Variants in CFAP54 observed in about 807,000 individuals in gnomAD.
The protein encoded by CFAP54 is cilia- and flagella-associated protein 54.
A neutral mutation model predicts 370.4 loss-of-function variants in CFAP54; 290 were observed. That is an observed-to-expected ratio of 0.78 (90% CI 0.71 to 0.86). CFAP54 has a LOEUF of 0.86. CFAP54 is among the 40% of genes least tolerant of loss of function. CFAP54 has a pLI of 0.00. For synonymous variants in CFAP54, 1,206 were observed against 1,236.5 expected (o/e 0.98, Z 0.52); for missense variants, 3,399 against 3,528.7 (o/e 0.96, Z 0.93).
chr12:96,756,199 G>A (rs748188112), intron 56 of CFAP54, among the ~76,000 whole-genome samples: 1 of 152,162 alleles, frequency 6.6e-6, no homozygotes, highest in Non-Finnish European at 1.5e-5. Flanking sequence ...AGTTAGATGG[G>A]AAGATGGGAA....
intron 26 of CFAP54, among the ~76,000 whole-genome samples, chr12:96,621,253 C>T (rs1363697477): frequency 6.6e-6 from 1 of 152,124 alleles, no homozygotes; most frequent in African/African-American, 2.4e-5. Context: ...TTACAAATGA[C>T]TTTTTAAATA....
chr12:96,611,995 C>A (rs150313240), intron 26 of CFAP54, among the ~76,000 whole-genome samples: 2 of 152,228 alleles, frequency 1.3e-5, no homozygotes, highest in Non-Finnish European at 2.9e-5. Context: ...GGAGAACTTC[C>A]CCAACCTAGC....
intron 67 of CFAP54, among the ~76,000 whole-genome samples, chr12:96,865,930 T>A (rs777195904): frequency 1.3e-5 from 2 of 152,164 alleles, no homozygotes; most frequent in Non-Finnish European, 2.9e-5. Flanking sequence ...AATTTCAATA[T>A]AAGATAGTAG....
At position 96,665,227 on chromosome 12, in the gene CFAP54, GA is replaced by G. The variant is rs1957066324; in HGVS notation, c.5563+1296del. On this transcript the variant is annotated intron_variant, in intron 39 of 67. Transcript: ENST00000524981. ...GATGCTGGATATTAGACCTTTGTTG[GA>G]TGCATAGTTTGGAAAAATTGTCTCC... 5.9e-5 allele frequency among the ~76,000 whole-genome samples: 9 copies of G among 152,038 alleles called. No individual in the cohort carries two copies. The South Asian group carries it at 1.9e-3, about 32-fold the overall frequency.
intron 60 of CFAP54, among the ~76,000 whole-genome samples, chr12:96,776,151 T>C (rs185086811): frequency 1.4e-4 from 22 of 152,196 alleles, no homozygotes; most frequent in African/African-American, 4.6e-4. Flanking sequence ...AAATTAGTTA[T>C]AGCAAAAAGA....
intron 42 of CFAP54, among the ~76,000 whole-genome samples, chr12:96,687,852 C>A (rs1437169742): frequency 6.6e-6 from 1 of 152,196 alleles, no homozygotes. Context: ...CAGCTACAGC[C>A]TTCCTGCCAG....
chr12:96,662,316 T>C (rs1296932281), intron 38 of CFAP54, among the ~76,000 whole-genome samples: 2 of 152,198 alleles, frequency 1.3e-5, no homozygotes, highest in Non-Finnish European at 2.9e-5. Flanking sequence ...GCGATTTTCA[T>C]GCCTCAGCTT....
chr12:96,713,591 C>T (rs185073121), intron 48 of CFAP54, among the ~76,000 whole-genome samples: 1 of 152,008 alleles, frequency 6.6e-6, no homozygotes, highest in African/African-American at 2.4e-5. Flanking sequence ...TCTCTGAAAA[C>T]TTGTTATGGT....
At chr12:96,719,150 A>G (rs1565952858) in intron 49 of CFAP54, among the ~76,000 whole-genome samples, 1 of 152,154 alleles carries the variant, frequency 6.6e-6, no homozygotes, top group African/African-American at 2.4e-5. Flanking sequence ...CAGCTTTTGC[A>G]TGATTATTTA....
chr12:96,645,584 A>G (rs887290603), intron 33 of CFAP54: 11 of 153,214 alleles, frequency 7.2e-5, no homozygotes, highest in African/African-American at 2.4e-4. Flanking sequence ...TCTTCACAGA[A>G]TTGGAAAAAA....
chr12:96,708,864 G>A (rs1348674984), intron 48 of CFAP54, 61 bp downstream of exon 48: 1 of 1,301,294 alleles, frequency 7.7e-7, no homozygotes, highest in African/African-American at 1.5e-5. Context: ...TGTTCTCCCA[G>A]CCCCCACTAA....
chr12:96,653,766 G>T (rs1956887885), intron 36 of CFAP54, among the ~76,000 whole-genome samples: 1 of 151,472 alleles, frequency 6.6e-6, no homozygotes, highest in East Asian at 1.9e-4. Context: ...TAAAAGAAAT[G>T]ATAAGAGCAG....
intron 60 of CFAP54, among the ~76,000 whole-genome samples, chr12:96,774,219 A>G (rs1415770402): frequency 6.6e-6 from 1 of 152,136 alleles, no homozygotes; most frequent in Non-Finnish European, 1.5e-5. Flanking sequence ...TAGTTGTGAT[A>G]TTTGTAAATA....
At chr12:96,769,093 A>G (rs1457054670) in intron 60 of CFAP54, among the ~76,000 whole-genome samples, 1 of 152,194 alleles carries the variant, frequency 6.6e-6, no homozygotes, top group African/African-American at 2.4e-5. Context: ...GGCACTGGCA[A>G]TGTGGGGCCA....
chr12:96,660,046 C>T (rs1200225837), intron 38 of CFAP54, among the ~76,000 whole-genome samples: 1 of 152,186 alleles, frequency 6.6e-6, no homozygotes, highest in Non-Finnish European at 1.5e-5. Flanking sequence ...ATTATAAGGT[C>T]TCTGAAGAAA....
Position 96,684,906 on chromosome 12 carries a change from ATG to A in CFAP54, c.5805-121_5805-120del. On this transcript the variant is annotated intron_variant, in intron 41 of 67. Transcript: ENST00000524981. The stretch of plus-strand genomic sequence containing the variant: ...TGAGAGAAACCATTAAGAACAGTGA[ATG>A]TATTATAGTTATACGTATGTTAATT... 3.1e-6 allele frequency: 3 copies of A among 981,252 alleles called. No homozygotes were observed. In the South Asian group the frequency reaches 4.7e-5, roughly 16 times the overall value. The allele number at this position is 981,252 out of a possible 1,614,324, so 60.8% of individuals were successfully genotyped here.
chr12:96,650,031 G>C lies in CFAP54; in HGVS notation c.4831G>C (p.Asp1611His), dbSNP rs779039302. 1.9e-6 allele frequency: 3 copies of C among 1,612,792 alleles called. No individual in the cohort carries two copies. The highest frequency in any genetic ancestry group is 1.7e-6 in the Non-Finnish European group (2 of 1,179,666). Residue 1611 changes from aspartate (D) to histidine (H), a missense_variant, in exon 35 of 68, where the codon GAT becomes CAT. By Grantham distance (81) the Asp-to-His change is moderately conservative. This residue lies in a region of CFAP54 where 2,796 missense variants were observed against 2,869.7 expected (regional missense o/e 0.97). Coordinates refer to ENST00000524981, the MANE Select transcript of CFAP54 (RefSeq NM_001306084.2). ...KDRGANLCVMDHFMKIFLYCR... is the reference protein window; with the variant it reads ...KDRGANLCVMHHFMKIFLYCR... ...CCGAGGAGCAAATTTGTGTGTAATG[G>C]ATCATTTTATGAAAATCTTTTTATA...
chr12:96,604,983 C>T (rs1956285664), intron 26 of CFAP54, among the ~76,000 whole-genome samples: 1 of 152,220 alleles, frequency 6.6e-6, no homozygotes, highest in East Asian at 1.9e-4. Flanking sequence ...ATGGGCTGCA[C>T]CCACTGTCCA....
intron 64 of CFAP54, among the ~76,000 whole-genome samples, chr12:96,815,965 C>G (rs553050069): frequency 6.6e-6 from 1 of 152,220 alleles, no homozygotes; most frequent in East Asian, 1.9e-4. Flanking sequence ...GTTACTGTAG[C>G]CTTGTAGTAC....
Sources: allele counts gnomAD v4.1 joint callset (sites outside exome capture counted in the v4.1 genomes callset), GRCh38; gene constraint gnomAD v4.1.1; regional missense constraint gnomAD v4.1.1; transcripts MANE v1.5; gene names NCBI Gene and HGNC (gene_info 2026-07-23, HGNC 2026-07-21).